SPAG16: variants seen among roughly 807,000 people sequenced by gnomAD.
SPAG16 encodes sperm associated antigen 16.
In SPAG16, 86 loss-of-function variants were observed where a neutral mutation model predicts 80.4. That is an observed-to-expected ratio of 1.07 (90% CI 0.90 to 1.28). The LOEUF (loss-of-function observed/expected upper bound fraction) is 1.28, where lower values mean the gene tolerates loss of function less well. Ranked by LOEUF, SPAG16 falls within the 50% of genes most tolerant of loss-of-function variation. The pLI is 0.00. For synonymous variants in SPAG16, 294 were observed against 265.9 expected (o/e 1.11, Z -1.03); for missense variants, 870 against 765.3 (o/e 1.14, Z -1.61).
intron 15 of SPAG16, among the ~76,000 whole-genome samples, chr2:214,299,352 C>T (rs755162810): frequency 2.0e-5 from 3 of 147,072 alleles, no homozygotes; most frequent in East Asian, 4.1e-4. Flanking sequence ...CAGGTTCAAG[C>T]GATTCTCCTG....
At chr2:214,136,071 A>G (rs1469720001) in intron 14 of SPAG16, among the ~76,000 whole-genome samples, 1 of 152,012 alleles carries the variant, frequency 6.6e-6, no homozygotes. Flanking sequence ...ACATGGTGAG[A>G]GAGAGGAAGA....
At chr2:213,525,264 A>C (rs2125863491) in intron 10 of SPAG16, among the ~76,000 whole-genome samples, 1 of 149,362 alleles carries the variant, frequency 6.7e-6, no homozygotes, top group Admixed American at 6.7e-5. Flanking sequence ...CTGTAAATCA[A>C]TTAAACCTCT....
chr2:213,642,287 A>G (rs557244577), intron 10 of SPAG16, among the ~76,000 whole-genome samples: 2 of 152,312 alleles, frequency 1.3e-5, no homozygotes, highest in Non-Finnish European at 2.9e-5. Flanking sequence ...GCAAAAGTTC[A>G]CAATGTGAAT....
intron 12 of SPAG16, among the ~76,000 whole-genome samples, chr2:213,935,101 C>G (rs146769064): frequency 6.7e-6 from 1 of 149,504 alleles, no homozygotes; most frequent in African/African-American, 2.5e-5. Context: ...ACTTGGGAGG[C>G]TGAGGCAGAA....
At chr2:214,124,561 C>T (rs992328402) in intron 14 of SPAG16, among the ~76,000 whole-genome samples, 7 of 151,756 alleles carry the variant, frequency 4.6e-5, no homozygotes, top group Non-Finnish European at 2.9e-5. Context: ...GTTTTTGAAG[C>T]ACATAATTAG....
At chr2:213,349,427 A>G (rs2065201506) in intron 6 of SPAG16, among the ~76,000 whole-genome samples, 1 of 152,186 alleles carries the variant, frequency 6.6e-6, no homozygotes, top group Non-Finnish European at 1.5e-5. Context: ...TAAGATGGAT[A>G]AACTCTTAAT....
chr2:213,817,462 C>T (rs1384874522), intron 10 of SPAG16, among the ~76,000 whole-genome samples: 1 of 151,766 alleles, frequency 6.6e-6, no homozygotes, highest in Non-Finnish European at 1.5e-5. Flanking sequence ...CCATTTGATG[C>T]AGTAATCTCA....
chr2:213,561,100 G>A (rs766977508), intron 10 of SPAG16, among the ~76,000 whole-genome samples: 17 of 152,364 alleles, frequency 1.1e-4, no homozygotes, highest in Admixed American at 3.3e-4. Context: ...CTGACCTCAA[G>A]TGATCTGCCT....
At chr2:213,284,661 A>G in intron 1 of SPAG16, 42 bp downstream of exon 1, 1 of 1,590,764 alleles carries the variant, frequency 6.3e-7, no homozygotes, top group Non-Finnish European at 8.5e-7. Context: ...GCTGGCGGGT[A>G]ATGGGTGTTG....
chr2:214,179,398 G>C (rs2125663876), intron 15 of SPAG16, among the ~76,000 whole-genome samples: 1 of 151,428 alleles, frequency 6.6e-6, no homozygotes, highest in South Asian at 2.1e-4. Context: ...TTCTTTTATA[G>C]AAGAAACCAG....
chr2:213,935,115 T>C (rs1279397489), intron 12 of SPAG16, among the ~76,000 whole-genome samples: 1 of 146,318 alleles, frequency 6.8e-6, no homozygotes, highest in Non-Finnish European at 1.5e-5. Context: ...GGCAGAAGGA[T>C]GGCATGAACC....
intron 11 of SPAG16, among the ~76,000 whole-genome samples, chr2:213,890,656 A>G (rs2076750545): frequency 6.6e-6 from 1 of 151,368 alleles, no homozygotes; most frequent in Non-Finnish European, 1.5e-5. Flanking sequence ...ATTTTCTTTA[A>G]CTCTTATTCT....
intron 13 of SPAG16, among the ~76,000 whole-genome samples, chr2:214,015,160 G>A (rs543512541): frequency 1.7e-4 from 26 of 152,312 alleles, no homozygotes; most frequent in African/African-American, 5.8e-4. Context: ...AACATCGGAA[G>A]GTGAAGTGGA....
At chr2:214,064,523 C>G (rs966166526) in intron 13 of SPAG16, among the ~76,000 whole-genome samples, 1 of 151,984 alleles carries the variant, frequency 6.6e-6, no homozygotes, top group Non-Finnish European at 1.5e-5. Flanking sequence ...TTCTGACCTC[C>G]TTTTGTATAG....
At chr2:214,381,811 A>ATGTC (rs1238206981) in intron 15 of SPAG16, among the ~76,000 whole-genome samples, 1 of 152,212 alleles carries the variant, frequency 6.6e-6, no homozygotes, top group Admixed American at 6.5e-5. Context: ...ACTCTATTAG[A>ATGTC]TGTCTCTGCA....
chr2:213,776,238 C>A (rs79521074), intron 10 of SPAG16, among the ~76,000 whole-genome samples: 29,822 of 152,036 alleles, frequency 0.2, 3,565 homozygotes, highest in South Asian at 0.31. Context: ...ATCATAGGAG[C>A]CCTTAAAAGT....
At chr2:213,937,894 A>C (rs1438650254) in intron 12 of SPAG16, among the ~76,000 whole-genome samples, 1 of 152,018 alleles carries the variant, frequency 6.6e-6, no homozygotes, top group Non-Finnish European at 1.5e-5. Context: ...TGGATCAATA[A>C]TAAAAAAGGT....
At chr2:214,186,748 G>GTTGTTTTT (rs933328622) in intron 15 of SPAG16, among the ~76,000 whole-genome samples, 14 of 151,922 alleles carry the variant, frequency 9.2e-5, no homozygotes, top group African/African-American at 3.4e-4. Context: ...TATGCAAGTA[G>GTTGTTTTT]TTGTTTTTTT....
intron 10 of SPAG16, among the ~76,000 whole-genome samples, chr2:213,639,234 A>G (rs935931315): frequency 2.6e-5 from 4 of 152,176 alleles, no homozygotes; most frequent in Non-Finnish European, 5.9e-5. Flanking sequence ...TAGACCATTT[A>G]CATTCAAAGT....
Sources: allele counts gnomAD v4.1 joint callset (sites outside exome capture counted in the v4.1 genomes callset), GRCh38; gene constraint gnomAD v4.1.1; transcripts MANE v1.5; gene names NCBI Gene and HGNC (gene_info 2026-07-23, HGNC 2026-07-21).